Variants in TNR observed in about 807,000 individuals in gnomAD.
TNR encodes tenascin-R.
TNR carries 45 observed loss-of-function variants against 150.4 expected under a neutral mutation model. The ratio of observed to expected loss-of-function variants is 0.30; its 90% CI spans 0.24 to 0.38. The LOEUF is 0.38. Ranked by LOEUF, TNR falls within the 10% of genes least tolerant of loss-of-function variation. The pLI is 1.00. For synonymous variants in TNR, 687 were observed against 678.4 expected (o/e 1.01, Z -0.20); for missense variants, 1,544 against 1,759.1 (o/e 0.88, Z 2.19).
chr1:175,347,818 C>T (rs1463821239), intron 18 of TNR, among the ~76,000 whole-genome samples: 1 of 152,068 alleles, frequency 6.6e-6, no homozygotes, highest in Non-Finnish European at 1.5e-5. Flanking sequence ...CATGATAATG[C>T]TTTAGTTGCA....
intron 12 of TNR, among the ~76,000 whole-genome samples, chr1:175,364,542 C>A (rs1401587256): frequency 6.6e-6 from 1 of 152,148 alleles, no homozygotes; most frequent in Non-Finnish European, 1.5e-5. Context: ...AAGCAACATC[C>A]AAATCAACCC....
intron 1 of TNR, among the ~76,000 whole-genome samples, chr1:175,625,541 A>T (rs1363545680): frequency 6.6e-6 from 1 of 152,226 alleles, no homozygotes; most frequent in African/African-American, 2.4e-5. Context: ...TGGCTCAGCC[A>T]GGCCTGTGTG....
intron 9 of TNR, among the ~76,000 whole-genome samples, chr1:175,368,690 C>T (rs943061445): frequency 6.6e-6 from 1 of 152,206 alleles, no homozygotes; most frequent in Non-Finnish European, 1.5e-5. Flanking sequence ...TGGCTCATGC[C>T]TGTAATCCCA....
chr1:175,406,695 G>T lies in TNR; in HGVS notation c.20C>A (p.Thr7Lys). MGADGETVVLKNMLIGI... is the reference protein window; with the variant it reads MGADGEKVVLKNMLIGI... ...AATGAGCATGTTCTTCAGAACCACT[G>T]TTTCCCCATCTGCCCCCATCCTCTC... The change falls in exon 3 of 23, where the codon ACA becomes AAA. Residue 7 changes from threonine to lysine, a missense_variant. Thr to Lys is a moderately conservative substitution (Grantham distance 78, BLOSUM62 -1). Transcript: ENST00000367674. 2 of 1,614,084 alleles carry T rather than the reference G, an allele frequency of 1.2e-6. No homozygotes were observed. The highest frequency in any genetic ancestry group is 1.7e-6 in the Non-Finnish European group (2 of 1,179,982).
At chr1:175,385,214 C>T (rs551945372) in intron 8 of TNR, among the ~76,000 whole-genome samples, 1 of 152,170 alleles carries the variant, frequency 6.6e-6, no homozygotes, top group Non-Finnish European at 1.5e-5. Context: ...TGATCACAGG[C>T]CCTTATTGAC....
At chr1:175,452,706 A>G (rs1244758796) in intron 2 of TNR, among the ~76,000 whole-genome samples, 2 of 152,230 alleles carry the variant, frequency 1.3e-5, no homozygotes, top group African/African-American at 4.8e-5. Context: ...AAGGGAGTAA[A>G]GAGTGACGGG....
At chr1:175,330,923 TG>T (rs1213196723) in intron 20 of TNR, among the ~76,000 whole-genome samples, 1 of 152,218 alleles carries the variant, frequency 6.6e-6, no homozygotes, top group Non-Finnish European at 1.5e-5. Context: ...TCCCAGGCCT[TG>T]GTCTAATATA....
At chr1:175,576,962 T>C (rs1662140912) in intron 1 of TNR, among the ~76,000 whole-genome samples, 1 of 152,202 alleles carries the variant, frequency 6.6e-6, no homozygotes, top group South Asian at 2.1e-4. Flanking sequence ...CCTCAAAGAC[T>C]AATATAAAGA....
chr1:175,376,860 T>TTTTATA (rs1553211470), intron 9 of TNR, among the ~76,000 whole-genome samples: 1 of 113,708 alleles, frequency 8.8e-6, no homozygotes, highest in Non-Finnish European at 1.9e-5. Flanking sequence ...AAATGTAATA[T>TTTTATA]TATATATATA....
chr1:175,433,034 A>G (rs1281389351), intron 2 of TNR, among the ~76,000 whole-genome samples: 1 of 152,106 alleles, frequency 6.6e-6, no homozygotes, highest in Non-Finnish European at 1.5e-5. Flanking sequence ...TGTTGACTGG[A>G]GCATGGGCAT....
At chr1:175,515,710 C>A (rs1277966519) in intron 2 of TNR, among the ~76,000 whole-genome samples, 2 of 152,098 alleles carry the variant, frequency 1.3e-5, no homozygotes, top group African/African-American at 4.8e-5. Context: ...TGAACAGCCA[C>A]CAGGGTGCTG....
intron 8 of TNR, among the ~76,000 whole-genome samples, chr1:175,382,747 A>G (rs1652739343): frequency 6.6e-6 from 1 of 152,056 alleles, no homozygotes. Context: ...TAAAAATCCA[A>G]AAAGTAGCTG....
chr1:175,460,749 G>A (rs1042811226), intron 2 of TNR, among the ~76,000 whole-genome samples: 2 of 152,148 alleles, frequency 1.3e-5, no homozygotes, highest in Admixed American at 6.5e-5. Flanking sequence ...TAAATATGCT[G>A]CAGTTAGGTT....
At chr1:175,637,732 G>C (rs954927326) in intron 1 of TNR, among the ~76,000 whole-genome samples, 1 of 152,146 alleles carries the variant, frequency 6.6e-6, no homozygotes, top group Non-Finnish European at 1.5e-5. Context: ...GCTCCAAGAA[G>C]AAATCTACCA....
intron 1 of TNR, among the ~76,000 whole-genome samples, chr1:175,655,780 T>G (rs775641281): frequency 2.4e-4 from 37 of 152,172 alleles, no homozygotes; most frequent in Non-Finnish European, 3.7e-4. Context: ...CTCACCAATG[T>G]CCTGCCCTGT....
At chr1:175,579,165 T>TTTCCTTGC (rs1553242568) in intron 1 of TNR, among the ~76,000 whole-genome samples, 2 of 134,380 alleles carry the variant, frequency 1.5e-5, no homozygotes, top group African/African-American at 5.6e-5. Context: ...TCGTTCCTTC[T>TTTCCTTGC]TTCCTTCCTT....
chr1:175,601,530 G>A (rs1193479307), intron 1 of TNR, among the ~76,000 whole-genome samples: 3 of 152,188 alleles, frequency 2.0e-5, no homozygotes, highest in African/African-American at 4.8e-5. Context: ...AGCCACTCAA[G>A]TTTGAGTTCC....
At chr1:175,740,898 C>T (rs1260751236) in intron 1 of TNR, among the ~76,000 whole-genome samples, 1 of 152,188 alleles carries the variant, frequency 6.6e-6, no homozygotes, top group Non-Finnish European at 1.5e-5. Flanking sequence ...GATAGGGTGG[C>T]TTCAGCTGGG....
chr1:175,557,151 G>T lies in TNR; in HGVS notation c.-164-28782C>A, dbSNP rs556438702. 7.2e-5 allele frequency among the ~76,000 whole-genome samples: 11 copies of T among 152,236 alleles called. No individual in the cohort carries two copies. The East Asian group carries it at 2.1e-3, about 29-fold the overall frequency. ...CAACAAGCCAGAAGGAAATGAATTCGCTAACAACCACATGACACTGGAAGC... is the reference window on the plus strand; with the variant it reads ...CAACAAGCCAGAAGGAAATGAATTCTCTAACAACCACATGACACTGGAAGC... On this transcript the variant is annotated intron_variant, in intron 1 of 22. Coordinates refer to ENST00000367674, the MANE Select transcript of TNR (RefSeq NM_003285.3).
Sources: allele counts gnomAD v4.1 joint callset (sites outside exome capture counted in the v4.1 genomes callset), GRCh38; gene constraint gnomAD v4.1.1; transcripts MANE v1.5; gene names NCBI Gene and HGNC (gene_info 2026-07-23, HGNC 2026-07-21).